MYT1L: variants seen among roughly 807,000 people sequenced by gnomAD.
MYT1L encodes myelin transcription factor 1-like protein.
Under a neutral mutation model 126.7 loss-of-function variants are expected in MYT1L, and 12 were observed. The ratio of observed to expected loss-of-function variants is 0.09; its 90% CI spans 0.06 to 0.15. The LOEUF is 0.15. Ranked by LOEUF, MYT1L falls within the 10% of genes least tolerant of loss-of-function variation. The pLI, the probability that MYT1L is intolerant of heterozygous loss-of-function variation, is 1.00. For missense variants in MYT1L, 979 were observed against 1,585.2 expected, an observed-to-expected ratio of 0.62 and a Z score of 6.49; for synonymous variants, 541 against 604.2, an observed-to-expected ratio of 0.90 and a Z score of 1.53.
chr2:2,322,402 A>T (rs1442586412), intron 1 of MYT1L, among the ~76,000 whole-genome samples: 1 of 152,186 alleles, frequency 6.6e-6, no homozygotes, highest in Non-Finnish European at 1.5e-5. Context: ...TCAACCTTAA[A>T]GTGCAACTAG....
At chr2:2,036,409 C>A (rs879224768) in intron 4 of MYT1L, among the ~76,000 whole-genome samples, 2 of 128,264 alleles carry the variant, frequency 1.6e-5, no homozygotes, top group Non-Finnish European at 3.3e-5. Context: ...CAATCTCCAC[C>A]CTCCAATGCG....
chr2:2,111,955 T>C (rs570962943), intron 3 of MYT1L, among the ~76,000 whole-genome samples: 1 of 152,330 alleles, frequency 6.6e-6, no homozygotes, highest in Admixed American at 6.5e-5. Flanking sequence ...GGTGAAACAA[T>C]TTGCGTCAGG....
At chr2:2,178,849 G>C (rs1045730128) in intron 2 of MYT1L, among the ~76,000 whole-genome samples, 4 of 152,182 alleles carry the variant, frequency 2.6e-5, no homozygotes, top group Admixed American at 2.0e-4. Flanking sequence ...CAGGGTGACA[G>C]GTATGCAGTC....
At chr2:2,006,167 C>T (rs2063308092) in intron 4 of MYT1L, among the ~76,000 whole-genome samples, 1 of 152,136 alleles carries the variant, frequency 6.6e-6, no homozygotes, top group Non-Finnish European at 1.5e-5. Context: ...TTCTTTTGCA[C>T]CCTTTCTTAC....
At chr2:1,881,225 T>C (rs962395165) in intron 18 of MYT1L, among the ~76,000 whole-genome samples, 1 of 152,136 alleles carries the variant, frequency 6.6e-6, no homozygotes, top group Non-Finnish European at 1.5e-5. Context: ...GGGAGGCTCC[T>C]GCTGCTGGGC....
At chr2:2,273,347 A>T (rs920218567) in intron 2 of MYT1L, among the ~76,000 whole-genome samples, 1 of 152,208 alleles carries the variant, frequency 6.6e-6, no homozygotes, top group African/African-American at 2.4e-5. Flanking sequence ...GATAAATGAG[A>T]TGTTTGGAAA....
At chr2:1,968,187 A>G (rs1418536686) in intron 8 of MYT1L, among the ~76,000 whole-genome samples, 1 of 152,160 alleles carries the variant, frequency 6.6e-6, no homozygotes, top group South Asian at 2.1e-4. Context: ...AGGTTGGACT[A>G]AAGCTCTGGA....
intron 3 of MYT1L, among the ~76,000 whole-genome samples, chr2:2,123,723 T>C (rs2081331767): frequency 6.6e-6 from 1 of 152,126 alleles, no homozygotes; most frequent in Non-Finnish European, 1.5e-5. Flanking sequence ...AATTACTTAG[T>C]CTCGGGTATT....
intron 1 of MYT1L, among the ~76,000 whole-genome samples, chr2:2,302,477 G>T (rs1005138320): frequency 1.7e-4 from 26 of 152,196 alleles, no homozygotes; most frequent in African/African-American, 6.0e-4. Flanking sequence ...AGGAGGGGTT[G>T]CTATACTTCT....
intron 3 of MYT1L, among the ~76,000 whole-genome samples, chr2:2,072,163 G>A (rs547561738): frequency 1.7e-4 from 26 of 152,266 alleles, no homozygotes; most frequent in African/African-American, 4.8e-4. Flanking sequence ...GGCAGTGCTC[G>A]GCAGAGCCCT....
intron 2 of MYT1L, among the ~76,000 whole-genome samples, chr2:2,269,736 C>A (rs117598742): frequency 6.6e-6 from 1 of 152,286 alleles, no homozygotes; most frequent in East Asian, 1.9e-4. Context: ...TCTTGCTTAA[C>A]ATCTTGACCC....
intron 3 of MYT1L, among the ~76,000 whole-genome samples, chr2:2,117,899 T>C (rs1369694141): frequency 6.6e-6 from 1 of 151,992 alleles, no homozygotes; most frequent in Non-Finnish European, 1.5e-5. Context: ...CTTCAAATGC[T>C]TCTCATTTTT....
chr2:2,076,609 A>G (rs1406198399), intron 3 of MYT1L, among the ~76,000 whole-genome samples: 1 of 152,218 alleles, frequency 6.6e-6, no homozygotes, highest in Non-Finnish European at 1.5e-5. Flanking sequence ...CAGAATCTCC[A>G]GAATTTTACC....
At chr2:2,204,750 T>TC (rs2093244164) in intron 2 of MYT1L, among the ~76,000 whole-genome samples, 1 of 151,860 alleles carries the variant, frequency 6.6e-6, no homozygotes, top group Non-Finnish European at 1.5e-5. Context: ...GACCCAGCCA[T>TC]CCCATTACTG....
At chr2:2,048,223 C>T (rs2150064036) in intron 4 of MYT1L, among the ~76,000 whole-genome samples, 1 of 152,248 alleles carries the variant, frequency 6.6e-6, no homozygotes, top group Admixed American at 6.5e-5. Flanking sequence ...TCTTCCAATC[C>T]CTTCTGCCCT....
chr2:2,173,867 C>T (rs2090396206), intron 2 of MYT1L, among the ~76,000 whole-genome samples: 1 of 152,184 alleles, frequency 6.6e-6, no homozygotes, highest in African/African-American at 2.4e-5. Context: ...CTAGATGCAG[C>T]AGCATTACCA....
At position 1,979,619 on chromosome 2, in the gene MYT1L, AT is replaced by A; in HGVS notation, c.56-66del. Reference sequence around the variant, plus strand: ...CACAAGCGACCCTCTTCCACAGAAAATTACCAAAAGGGTGGCATGAAAGTGG... The same window carrying A: ...CACAAGCGACCCTCTTCCACAGAAAATACCAAAAGGGTGGCATGAAAGTGG... On this transcript the variant is annotated intron_variant, in intron 6 of 24. Transcript: ENST00000647738. This position sits in a 1 kb window ranked among gnomAD's most constrained non-coding sequence, Gnocchi z 4.0. 9 of 1,604,958 alleles carry A rather than the reference AT, an allele frequency of 5.6e-6. No homozygotes were observed. The highest frequency in any genetic ancestry group is 7.7e-6 in the Non-Finnish European group (9 of 1,171,746).
rs1336093625 is a variant in MYT1L at position 2,283,476 on chromosome 2, AT to A, written c.-421+927del. On this transcript the variant is annotated intron_variant, in intron 2 of 24. Coordinates refer to ENST00000647738, the MANE Select transcript of MYT1L (RefSeq NM_001303052.2). Reference sequence around the variant, plus strand: ...CAGAGATGATGCCTTGAAAAGTATAATTTTTGAACCATTAAAAATTAGTTGT... The same window carrying A: ...CAGAGATGATGCCTTGAAAAGTATAATTTTGAACCATTAAAAATTAGTTGT... Among the ~76,000 whole-genome samples the A allele has an allele frequency of 3.3e-5, 5 of 152,318 alleles. No homozygotes were observed. In the East Asian group the frequency reaches 9.6e-4, roughly 29 times the overall value.
At chr2:1,899,015 T>G (rs1402897541) in intron 14 of MYT1L, among the ~76,000 whole-genome samples, 1 of 152,090 alleles carries the variant, frequency 6.6e-6, no homozygotes, top group African/African-American at 2.4e-5. Flanking sequence ...CGCTGGAGAA[T>G]TTGGAAGCTG....
Sources: allele counts gnomAD v4.1 joint callset (sites outside exome capture counted in the v4.1 genomes callset), GRCh38; gene constraint gnomAD v4.1.1; non-coding constraint Gnocchi (gnomAD v3.1); transcripts MANE v1.5; gene names NCBI Gene and HGNC (gene_info 2026-07-23, HGNC 2026-07-21).